The following ATRNL1 variants were observed in gnomAD, a reference collection of about 807,000 sequenced individuals.
ATRNL1 encodes the protein attractin like 1.
In ATRNL1, 95 loss-of-function variants were observed where a neutral mutation model predicts 182.7. That is an observed-to-expected ratio of 0.52 (90% CI 0.44 to 0.62). The LOEUF is 0.62. Ranked by LOEUF, ATRNL1 falls within the 20% of genes least tolerant of loss-of-function variation. The pLI is 0.00. For missense variants in ATRNL1, 1,471 were observed against 1,679.5 expected (o/e 0.88, Z 2.17); for synonymous variants, 576 against 568.3 (o/e 1.01, Z -0.19).
chr10:115,249,745 A>G (rs1850796521), intron 10 of ATRNL1, among the ~76,000 whole-genome samples: 1 of 152,006 alleles, frequency 6.6e-6, no homozygotes, highest in Admixed American at 6.6e-5. Flanking sequence ...TTTTGTTGGT[A>G]TAGAATATTA....
chr10:115,833,251 A>G (rs1164708970), intron 27 of ATRNL1, among the ~76,000 whole-genome samples: 13 of 152,336 alleles, frequency 8.5e-5, no homozygotes, highest in Non-Finnish European at 1.5e-5. Flanking sequence ...AATTAGCACT[A>G]TTATTATTCT....
chr10:115,416,733 A>C (rs548747167), intron 20 of ATRNL1, among the ~76,000 whole-genome samples: 1 of 152,346 alleles, frequency 6.6e-6, no homozygotes, highest in East Asian at 1.9e-4. Flanking sequence ...GTTGAAGGTA[A>C]ATATATTATA....
At chr10:115,100,475 A>G (rs1279361543) in intron 1 of ATRNL1, among the ~76,000 whole-genome samples, 1 of 152,074 alleles carries the variant, frequency 6.6e-6, no homozygotes, top group Non-Finnish European at 1.5e-5. Context: ...GTTTTTTGGC[A>G]TATAGGTATT....
At chr10:115,360,504 TA>T (rs1180390082) in intron 19 of ATRNL1, among the ~76,000 whole-genome samples, 1 of 151,732 alleles carries the variant, frequency 6.6e-6, no homozygotes, top group East Asian at 1.9e-4. Context: ...AACCACAGTA[TA>T]ATTATTGAAA....
At chr10:115,333,604 C>T (rs1218056263) in intron 18 of ATRNL1, among the ~76,000 whole-genome samples, 3 of 151,630 alleles carry the variant, frequency 2.0e-5, no homozygotes, top group Admixed American at 6.6e-5. Context: ...CCTGCCTCAG[C>T]CTCCCAAGTA....
At chr10:115,722,658 G>A (rs1947465823) in intron 26 of ATRNL1, among the ~76,000 whole-genome samples, 1 of 152,090 alleles carries the variant, frequency 6.6e-6, no homozygotes, top group African/African-American at 2.4e-5. Flanking sequence ...CAAAACTAAT[G>A]ACAAAATCAT....
chr10:115,159,308 G>A (rs1846668045), intron 5 of ATRNL1, among the ~76,000 whole-genome samples: 1 of 151,320 alleles, frequency 6.6e-6, no homozygotes, highest in East Asian at 1.9e-4. Flanking sequence ...TTCCCTTTAG[G>A]AGAATTCCTT....
intron 25 of ATRNL1, among the ~76,000 whole-genome samples, chr10:115,540,194 G>T (rs1469373288): frequency 6.6e-6 from 1 of 151,902 alleles, no homozygotes; most frequent in Non-Finnish European, 1.5e-5. Flanking sequence ...CTCCTGAGCT[G>T]CCTGTGTGCT....
At chr10:115,379,964 C>T (rs1388791084) in intron 19 of ATRNL1, among the ~76,000 whole-genome samples, 16 of 152,050 alleles carry the variant, frequency 1.1e-4, no homozygotes, top group Non-Finnish European at 1.5e-5. Flanking sequence ...GTAGCTGGGA[C>T]TACGGGTGCC....
At chr10:115,313,601 G>C (rs1479235483) in intron 17 of ATRNL1, among the ~76,000 whole-genome samples, 1 of 152,066 alleles carries the variant, frequency 6.6e-6, no homozygotes, top group Non-Finnish European at 1.5e-5. Context: ...TTATTCACTG[G>C]GTTGAACAAT....
At chr10:115,879,071 C>A (rs924980379) in intron 28 of ATRNL1, among the ~76,000 whole-genome samples, 10 of 274 alleles carry the variant, frequency 0.036, no homozygotes, top group Non-Finnish European at 0.11. Flanking sequence ...ATTACAGCAC[C>A]CCCCCAGGGG....
intron 27 of ATRNL1, among the ~76,000 whole-genome samples, chr10:115,751,336 T>C (rs1433343277): frequency 1.3e-5 from 2 of 152,076 alleles, no homozygotes; most frequent in Admixed American, 6.6e-5. Flanking sequence ...TATTTTTGAC[T>C]TCTGATTTCC....
intron 13 of ATRNL1, among the ~76,000 whole-genome samples, chr10:115,272,878 T>A (rs77429793): frequency 2.7e-4 from 41 of 152,290 alleles, no homozygotes; most frequent in African/African-American, 9.1e-4. Context: ...ATGAGTTGCT[T>A]GGTCAAAAGC....
intron 26 of ATRNL1, among the ~76,000 whole-genome samples, chr10:115,671,992 G>C (rs1945710545): frequency 6.6e-6 from 1 of 152,136 alleles, no homozygotes; most frequent in Non-Finnish European, 1.5e-5. Flanking sequence ...ACTGCCACTA[G>C]ATTTTTACAT....
chr10:115,366,416 A>G (rs1403603407), intron 19 of ATRNL1, among the ~76,000 whole-genome samples: 6 of 151,882 alleles, frequency 4.0e-5, no homozygotes, highest in African/African-American at 7.3e-5. Context: ...GTGTGTCTCT[A>G]CACGTGAGAT....
At chr10:115,176,796 A>G (rs1280384489) in intron 8 of ATRNL1, among the ~76,000 whole-genome samples, 1 of 152,012 alleles carries the variant, frequency 6.6e-6, no homozygotes, top group African/African-American at 2.4e-5. Context: ...TGCTATAGGT[A>G]CTCTTTTTTT....
chr10:115,331,072 T>A (rs1328169503), intron 18 of ATRNL1, among the ~76,000 whole-genome samples: 2 of 152,080 alleles, frequency 1.3e-5, no homozygotes, highest in Non-Finnish European at 2.9e-5. Context: ...TGCATTTTTT[T>A]TTTTTGAGAC....
chr10:115,374,682 C>A lies in ATRNL1; in HGVS notation c.3176-19977C>A, dbSNP rs1857580407. Among the ~76,000 whole-genome samples the A allele has an allele frequency of 2.6e-5, 4 of 151,724 alleles. No individual in the cohort carries two copies. The South Asian group carries it at 6.2e-4, about 24-fold the overall frequency. ...CCATAACTTTTGGTAGGTTGTGATT[C>A]CATGTTTATTTTTGTCAAGACATAT... On this transcript the variant is annotated intron_variant, in intron 19 of 28. Coordinates refer to ENST00000355044, the MANE Select transcript of ATRNL1 (RefSeq NM_207303.4).
intron 27 of ATRNL1, among the ~76,000 whole-genome samples, chr10:115,824,785 TAGG>T (rs1224240686): frequency 6.6e-6 from 1 of 152,056 alleles, no homozygotes; most frequent in South Asian, 2.1e-4. Flanking sequence ...ATGTGGAAAA[TAGG>T]AGCGCTTGTA....
Sources: gnomAD v4.1 joint callset for allele counts (sites outside exome capture counted in the v4.1 genomes callset) on GRCh38, gnomAD v4.1.1 for gene constraint, MANE v1.5 for transcripts, NCBI Gene and HGNC (gene_info 2026-07-23, HGNC 2026-07-21) for gene names.